The following LTBP1 variants were observed in gnomAD, a reference collection of about 807,000 sequenced individuals.
The protein encoded by LTBP1 is latent transforming growth factor beta binding protein 1, also known as latent-transforming growth factor beta-binding protein 1.
A neutral mutation model predicts 207.6 loss-of-function variants in LTBP1; 129 were observed. The ratio of observed to expected loss-of-function variants is 0.62; its 90% CI spans 0.54 to 0.72. The LOEUF (loss-of-function observed/expected upper bound fraction) is 0.72. Ranked by LOEUF, LTBP1 falls within the 30% of genes least tolerant of loss-of-function variation. LTBP1 has a pLI of 0.00. For missense variants in LTBP1, 2,281 were observed against 2,217.2 expected (o/e 1.03, Z -0.58); for synonymous variants, 963 against 833.7 (o/e 1.16, Z -2.67).
rs1428878748 is a variant in LTBP1 at position 33,073,487 on chromosome 2, C to G, written c.864-37095C>G. Among the ~76,000 whole-genome samples, 5 of 152,126 alleles carry G rather than the reference C, an allele frequency of 3.3e-5. No individual in the cohort carries two copies. The East Asian group carries it at 9.6e-4, about 29-fold the overall frequency. ...CAAAGTCAAGGTATTATGAGAACTGCAACGCTTTTTGAAGAAACCTATCAT... is the reference window on the plus strand; with the variant it reads ...CAAAGTCAAGGTATTATGAGAACTGGAACGCTTTTTGAAGAAACCTATCAT... On this transcript the variant is annotated intron_variant, in intron 3 of 33. Coordinates refer to ENST00000404816, the MANE Select transcript of LTBP1 (RefSeq NM_206943.4).
chr2:33,018,609 A>G (rs1450090503), intron 2 of LTBP1, among the ~76,000 whole-genome samples: 1 of 152,156 alleles, frequency 6.6e-6, no homozygotes, highest in Admixed American at 6.5e-5. Flanking sequence ...GCAGGGACCC[A>G]GGACAGCATC....
At chr2:33,327,860 CG>C (rs1208466657) in intron 24 of LTBP1, among the ~76,000 whole-genome samples, 1 of 151,724 alleles carries the variant, frequency 6.6e-6, no homozygotes, top group Non-Finnish European at 1.5e-5. Context: ...TGTAGAGGGC[CG>C]GGTGCAGTGA....
chr2:33,029,487 A>T (rs550505315), intron 3 of LTBP1, among the ~76,000 whole-genome samples: 1 of 152,246 alleles, frequency 6.6e-6, no homozygotes, highest in East Asian at 1.9e-4. Context: ...AAAAGAAGAA[A>T]AAAAAAAGAA....
rs1289930694 is a variant in LTBP1 at position 33,309,426 on chromosome 2, G to T, written c.3482-8G>T. On this transcript the variant is annotated splice_polypyrimidine_tract_variant and splice_region_variant and intron_variant, in intron 22 of 33. Coordinates refer to ENST00000404816, the MANE Select transcript of LTBP1 (RefSeq NM_206943.4). ...TTAGTCTTTAAAAATTTTTAAATTG[G>T]TTTTTAGATATCAATGAATGCTTGG... 2 of 1,582,706 alleles carry T rather than the reference G, an allele frequency of 1.3e-6. No individual in the cohort carries two copies. The highest frequency in any genetic ancestry group is 8.5e-7 in the Non-Finnish European group (1 of 1,170,812).
At chr2:33,314,862 C>A (rs1456337156) in intron 23 of LTBP1, among the ~76,000 whole-genome samples, 2 of 152,120 alleles carry the variant, frequency 1.3e-5, no homozygotes, top group Non-Finnish European at 2.9e-5. Context: ...ATTCCTCAAG[C>A]CCCATATGTC....
intron 3 of LTBP1, among the ~76,000 whole-genome samples, chr2:33,053,854 C>A (rs897787765): frequency 3.3e-5 from 5 of 152,166 alleles, no homozygotes; most frequent in African/African-American, 1.2e-4. Context: ...CACGAGGCTT[C>A]CAAACTGGTA....
chr2:33,382,111 T>TTTTTTTTTTTTTTTTTTTTTTTTG lies in LTBP1; in HGVS notation c.4712-7072_4712-7071insTTTTTTTTTTTTTTTTTTTTTTGT, dbSNP rs1553316521. Among the ~76,000 whole-genome samples, 10 of 103,622 alleles carry TTTTTTTTTTTTTTTTTTTTTTTTG rather than the reference T, an allele frequency of 9.7e-5. 4 individuals are homozygous for TTTTTTTTTTTTTTTTTTTTTTTTG. Among genetic ancestry groups the TTTTTTTTTTTTTTTTTTTTTTTTG allele is most frequent in the African/African-American group, 4.8e-4 (10 of 20,638 alleles). The allele number at this position is 103,622 out of a possible 152,430, so 68.0% of individuals were successfully genotyped here. A position where few individuals can be genotyped will look rare whatever the true frequency, so the allele number is the denominator to read the frequency against. On this transcript the variant is annotated intron_variant, in intron 31 of 33. Transcript: ENST00000404816. ...TTTTTTTTTTTTTTTTTTTTTTTTT[T>TTTTTTTTTTTTTTTTTTTTTTTTG]TGAGACAGAGTCTCGCTCTGTTGCC... is the stretch of plus-strand genomic sequence containing the variant.
intron 9 of LTBP1, among the ~76,000 whole-genome samples, chr2:33,232,034 T>G (rs1199505032): frequency 6.6e-6 from 1 of 151,968 alleles, no homozygotes; most frequent in African/African-American, 2.4e-5. Flanking sequence ...AAAGTAAAAG[T>G]GTATCACCAA....
At chr2:33,071,623 T>A (rs2077792130) in intron 3 of LTBP1, among the ~76,000 whole-genome samples, 2 of 104,364 alleles carry the variant, frequency 1.9e-5, no homozygotes, top group Admixed American at 2.5e-4. Context: ...AATTCAAGTA[T>A]AGGCTAGGTT....
At chr2:33,319,956 TTAAG>T (rs922092289) in intron 24 of LTBP1, among the ~76,000 whole-genome samples, 1 of 152,238 alleles carries the variant, frequency 6.6e-6, no homozygotes, top group African/African-American at 2.4e-5. Flanking sequence ...CAGATATTTA[TTAAG>T]TGTCTACCTG....
intron 3 of LTBP1, among the ~76,000 whole-genome samples, chr2:33,051,879 A>G (rs2076764391): frequency 6.6e-6 from 1 of 152,222 alleles, no homozygotes; most frequent in Admixed American, 6.5e-5. Context: ...GAACCCAAAG[A>G]CATAGGCACA....
rs190600348 is a variant in LTBP1 at position 33,355,412 on chromosome 2, T to G, written c.4001-5185T>G. ...ACGTATGCACATCCTCCTGTATACA[T>G]TGAATCATCTCTAGATGACTCATAA... On this transcript the variant is annotated intron_variant, in intron 26 of 33. Coordinates refer to ENST00000404816, the MANE Select transcript of LTBP1 (RefSeq NM_206943.4). Among the ~76,000 whole-genome samples the G allele has an allele frequency of 7.9e-4, 120 of 152,310 alleles. 1 individual carries two copies. The highest frequency in any genetic ancestry group is 4.1e-3 in the Admixed American group (63 of 15,296).
At chr2:33,079,760 CT>C (rs2078292809) in intron 3 of LTBP1, among the ~76,000 whole-genome samples, 1 of 152,168 alleles carries the variant, frequency 6.6e-6, no homozygotes, top group African/African-American at 2.4e-5. Context: ...AGCCTCCCAC[CT>C]CCTTTCTGGC....
chr2:33,210,379 G>T (rs768358886), intron 7 of LTBP1, among the ~76,000 whole-genome samples: 1 of 152,086 alleles, frequency 6.6e-6, no homozygotes, highest in Non-Finnish European at 1.5e-5. Context: ...CCCTGTGAAT[G>T]ATATACTTTG....
intron 3 of LTBP1, among the ~76,000 whole-genome samples, chr2:33,046,771 T>C (rs1409859156): frequency 6.6e-6 from 1 of 152,198 alleles, no homozygotes; most frequent in African/African-American, 2.4e-5. Flanking sequence ...AGGCTATTAA[T>C]TACCGCCTCA....
chr2:33,246,125 ATAAGTAT>A, intron 10 of LTBP1, among the ~76,000 whole-genome samples: 1 of 152,236 alleles, frequency 6.6e-6, no homozygotes, highest in South Asian at 2.1e-4. Flanking sequence ...AGCTGAACTG[ATAAGTAT>A]TAAGAGACGT....
chr2:33,196,107 A>C (rs1275460351), intron 7 of LTBP1, among the ~76,000 whole-genome samples: 1 of 152,212 alleles, frequency 6.6e-6, no homozygotes, highest in African/African-American at 2.4e-5. Flanking sequence ...AAACTGACAG[A>C]TTCATGTGAG....
Position 33,007,277 on chromosome 2 carries a change from G to A in LTBP1, c.566-13632G>A, listed in dbSNP as rs572279654. On this transcript the variant is annotated intron_variant, in intron 2 of 33. Coordinates refer to ENST00000404816, the MANE Select transcript of LTBP1 (RefSeq NM_206943.4). ...ATTACAGGCGTGAGCCATCATGCCC[G>A]GCCTTGAAAGGGTTTTTATTTTAGC... 7.2e-5 allele frequency among the ~76,000 whole-genome samples: 11 copies of A among 152,306 alleles called. No homozygotes were observed. The East Asian group carries it at 1.9e-3, about 27-fold the overall frequency.
intron 3 of LTBP1, among the ~76,000 whole-genome samples, chr2:33,095,971 ATAGTAT>A (rs2079363405): frequency 6.6e-6 from 1 of 152,136 alleles, no homozygotes; most frequent in South Asian, 2.1e-4. Context: ...GTTTAAAGAG[ATAGTAT>A]TAGACAGTCT....
Sources: gnomAD v4.1 joint callset for allele counts (sites outside exome capture counted in the v4.1 genomes callset) on GRCh38, gnomAD v4.1.1 for gene constraint, MANE v1.5 for transcripts, NCBI Gene and HGNC (gene_info 2026-07-23, HGNC 2026-07-21) for gene names.